SEL1L3: variants seen among roughly 807,000 people sequenced by gnomAD.
SEL1L3 encodes protein sel-1 homolog 3.
In SEL1L3, 76 loss-of-function variants were observed where a neutral mutation model predicts 142.8. The observed-to-expected ratio is 0.53, with a 90% confidence interval of 0.44 to 0.64. The LOEUF (loss-of-function observed/expected upper bound fraction) is 0.64. SEL1L3 is among the 30% of genes least tolerant of loss of function. SEL1L3 has a pLI of 0.00. For missense variants in SEL1L3, 1,262 were observed against 1,381.7 expected (o/e 0.91, Z 1.37); for synonymous variants, 504 against 519.6 (o/e 0.97, Z 0.41).
intron 6 of SEL1L3, among the ~76,000 whole-genome samples, chr4:25,826,626 G>A (rs530199290): frequency 2.6e-5 from 4 of 152,212 alleles, no homozygotes; most frequent in Admixed American, 6.5e-5. Context: ...GGGGTGGTGG[G>A]GAGGGGCACT....
upstream of SEL1L3, chr4:25,863,386 C>G: frequency 1.5e-6 from 1 of 687,146 alleles, no homozygotes. Flanking sequence ...TCCTCTTTCT[C>G]CCTTCCCATC....
intron 17 of SEL1L3, among the ~76,000 whole-genome samples, chr4:25,772,994 A>C (rs1194731846): frequency 6.6e-6 from 1 of 152,036 alleles, no homozygotes; most frequent in Non-Finnish European, 1.5e-5. Context: ...ATGGGGTTTC[A>C]CCATGTTGGT....
the SEL1L3 span, among the ~76,000 whole-genome samples, chr4:25,733,554 C>T: frequency 1.5e-5 from 2 of 131,398 alleles, no homozygotes; most frequent in Non-Finnish European, 3.1e-5. Context: ...TGGAGTCTCA[C>T]TCTGTCACTC....
chr4:25,742,668 T>A (rs904868291), downstream of SEL1L3, among the ~76,000 whole-genome samples: 7 of 151,982 alleles, frequency 4.6e-5, no homozygotes, highest in Admixed American at 2.0e-4. Flanking sequence ...CTAGACACTT[T>A]ACAACTGTGT....
At chr4:25,822,259 G>A (rs1241214844) in intron 6 of SEL1L3, 131 bp from the exon 7 acceptor site, 1 of 1,036,690 alleles carries the variant, frequency 9.6e-7, no homozygotes, top group Non-Finnish European at 1.4e-6. Context: ...TTTAGCAGAT[G>A]AGACCAGCGT....
At position 25,795,322 on chromosome 4, in the gene SEL1L3, C is replaced by T. The variant is rs188468985; in HGVS notation, c.1957-4748G>A. ...TCATTTTTTAGGGCCTTAACTCATACTAAAGTGTAAATGGCTAATTGCTGT... is the reference window on the plus strand; with the variant it reads ...TCATTTTTTAGGGCCTTAACTCATATTAAAGTGTAAATGGCTAATTGCTGT... On this transcript the variant is annotated intron_variant, in intron 11 of 23. Transcript: ENST00000399878. 5.3e-5 allele frequency among the ~76,000 whole-genome samples: 8 copies of T among 152,336 alleles called. No individual in the cohort carries two copies. In the East Asian group the frequency reaches 1.5e-3, roughly 29 times the overall value.
chr4:25,854,424 C>T (rs1186377837), intron 1 of SEL1L3, among the ~76,000 whole-genome samples: 1 of 152,102 alleles, frequency 6.6e-6, no homozygotes, highest in Admixed American at 6.5e-5. Flanking sequence ...ACTACAGGCA[C>T]GTGCCACCAC....
chr4:25,826,795 C>T (rs1005076280), intron 6 of SEL1L3, among the ~76,000 whole-genome samples: 7 of 152,134 alleles, frequency 4.6e-5, no homozygotes, highest in African/African-American at 1.7e-4. Flanking sequence ...TCCCGAGTAG[C>T]TGGGATTACA....
chr4:25,823,470 C>A (rs961191116), intron 6 of SEL1L3, among the ~76,000 whole-genome samples: 3 of 151,900 alleles, frequency 2.0e-5, no homozygotes, highest in Non-Finnish European at 4.4e-5. Flanking sequence ...GCTGAGATTG[C>A]GCCACTGCAC....
chr4:25,847,901 G>T, intron 1 of SEL1L3, 37 bp from the exon 2 acceptor site: 1 of 1,291,308 alleles, frequency 7.7e-7, no homozygotes, highest in Non-Finnish European at 1.1e-6. Flanking sequence ...AATACAGAAA[G>T]TTTAAAAATC....
downstream of SEL1L3, among the ~76,000 whole-genome samples, chr4:25,742,730 T>G (rs1173100500): frequency 2.0e-5 from 3 of 152,242 alleles, no homozygotes; most frequent in African/African-American, 7.2e-5. Flanking sequence ...AGTATTTAAT[T>G]TTCTAGTTAT....
intron 14 of SEL1L3, among the ~76,000 whole-genome samples, 174 bp downstream of exon 14, chr4:25,784,054 A>G (rs910134580): frequency 3.9e-5 from 6 of 152,182 alleles, no homozygotes; most frequent in African/African-American, 1.4e-4. Flanking sequence ...TATTGTAACT[A>G]AAAAGTGACT....
At chr4:25,797,843 G>A (rs1712893350) in intron 11 of SEL1L3, among the ~76,000 whole-genome samples, 1 of 152,186 alleles carries the variant, frequency 6.6e-6, no homozygotes. Context: ...GTCTACTGGG[G>A]AGCCAGCTCT....
chr4:25,779,611 A>C (rs1308830136), intron 15 of SEL1L3, among the ~76,000 whole-genome samples: 2 of 152,216 alleles, frequency 1.3e-5, no homozygotes, highest in African/African-American at 4.8e-5. Flanking sequence ...TCCAGTAGGA[A>C]GGTGAGAATT....
At chr4:25,829,655 T>C (rs1300156659) in intron 6 of SEL1L3, among the ~76,000 whole-genome samples, 1 of 152,186 alleles carries the variant, frequency 6.6e-6, no homozygotes, top group Non-Finnish European at 1.5e-5. Flanking sequence ...GACACCAATA[T>C]CAATAGTTGC....
intron 17 of SEL1L3, among the ~76,000 whole-genome samples, chr4:25,768,610 G>A (rs1303831779): frequency 2.0e-5 from 3 of 152,142 alleles, no homozygotes; most frequent in Non-Finnish European, 4.4e-5. Context: ...TCAGAGATAT[G>A]TGCAAAGATT....
At chr4:25,789,407 C>T (rs957675518) in intron 12 of SEL1L3, among the ~76,000 whole-genome samples, 3 of 151,876 alleles carry the variant, frequency 2.0e-5, no homozygotes, top group Non-Finnish European at 4.4e-5. Context: ...TAGCAAGACC[C>T]CATTTCTACA....
intron 17 of SEL1L3, among the ~76,000 whole-genome samples, chr4:25,775,747 G>T (rs1342104197): frequency 7.9e-5 from 12 of 152,190 alleles, no homozygotes; most frequent in Admixed American, 7.2e-4. Flanking sequence ...CCACCAGAAG[G>T]TTAGGAAGGA....
At chr4:25,819,249 A>G (rs1164693564) in intron 8 of SEL1L3, among the ~76,000 whole-genome samples, 4 of 152,252 alleles carry the variant, frequency 2.6e-5, no homozygotes, top group Non-Finnish European at 4.4e-5. Context: ...CTGTGCAAAT[A>G]TGAGCATGCA....
Sources: allele counts gnomAD v4.1 joint callset (sites outside exome capture counted in the v4.1 genomes callset), GRCh38; gene constraint gnomAD v4.1.1; transcripts MANE v1.5; gene names NCBI Gene and HGNC (gene_info 2026-07-23, HGNC 2026-07-21).